LOX: variants seen among roughly 807,000 people sequenced by gnomAD.
LOX encodes the protein lysyl oxidase.
Under a neutral mutation model 50.5 loss-of-function variants are expected in LOX, and 12 were observed. That is an observed-to-expected ratio of 0.24 (90% CI 0.15 to 0.38). The LOEUF (loss-of-function observed/expected upper bound fraction) is 0.38. Ranked by LOEUF, LOX falls within the 10% of genes least tolerant of loss-of-function variation. LOX has a pLI of 1.00. For synonymous variants in LOX, 254 were observed against 230.6 expected, an observed-to-expected ratio of 1.10 and a Z score of -0.92; for missense variants, 504 against 563.8, an observed-to-expected ratio of 0.89 and a Z score of 1.07.
rs748350741 is a variant in LOX, at chr5:122,077,504, C to T, written c.482G>A (p.Ser161Asn). ...GTCGCCCACCATGCCGTCCACGCGG[C>T]TGGGCGGCCGCAGGTTACTGAGCGC... ...VPALSNLRPP[S>N]RVDGMVGDDP... Residue 161 changes from serine (S) to asparagine (N), a missense_variant, in exon 1 of 7, where the codon AGC becomes AAC. By Grantham distance (46) the Ser-to-Asn change is conservative (BLOSUM62 1). Around this residue, in one of 2 missense-constraint regions of LOX, gnomAD observed 398 missense variants for 365.8 expected, o/e 1.09. Coordinates refer to ENST00000231004, the MANE Select transcript of LOX (RefSeq NM_002317.7). This position sits in a 1 kb window ranked among gnomAD's most constrained non-coding sequence, Gnocchi z 4.9. 3 of 1,613,770 alleles carry T rather than the reference C, an allele frequency of 1.9e-6. No homozygotes were observed. Among genetic ancestry groups the T allele is most frequent in the Non-Finnish European group, 2.5e-6 (3 of 1,180,010 alleles).
intron 4 of LOX, among the ~76,000 whole-genome samples, chr5:122,072,810 G>T (rs1055621619): frequency 6.6e-6 from 1 of 152,218 alleles, no homozygotes; most frequent in African/African-American, 2.4e-5. Context: ...AACCAGAAGT[G>T]CTATAATGTC....
At chr5:122,069,403 A>G (rs1420212481) in intron 6 of LOX, among the ~76,000 whole-genome samples, 1 of 152,146 alleles carries the variant, frequency 6.6e-6, no homozygotes, top group African/African-American at 2.4e-5. Context: ...ACAGACAGGC[A>G]TGCAGTCAAA....
chr5:122,075,688 T>A (rs1181873007), intron 2 of LOX, 147 bp from the exon 3 acceptor site: 1 of 500,324 alleles, frequency 2.0e-6, no homozygotes, highest in Non-Finnish European at 3.3e-6. Flanking sequence ...ATTTTGTTTC[T>A]TTTTGTTCAT....
chr5:122,077,272 C>G lies in LOX; in HGVS notation c.631+83G>C. The G allele has an allele frequency of 6.3e-7, 1 of 1,579,672 alleles. No individual in the cohort carries two copies. Among genetic ancestry groups the G allele is most frequent in the Non-Finnish European group, 8.6e-7 (1 of 1,164,118 alleles). On this transcript the variant is annotated intron_variant, in intron 1 of 6. Coordinates refer to ENST00000231004, the MANE Select transcript of LOX (RefSeq NM_002317.7). The surrounding 1 kb of genome is among the most constrained non-coding windows in gnomAD (Gnocchi z 4.9). ...TCGGATCTGCGAGGACCGGGGCCCGCCGCGCCCAGGCAGCCACGTCGAGAA... is the reference window on the plus strand; with the variant it reads ...TCGGATCTGCGAGGACCGGGGCCCGGCGCGCCCAGGCAGCCACGTCGAGAA...
In LOX at chr5:122,070,052, C is replaced by T. The variant is rs1233555524; in HGVS notation, c.1247+1G>A. On this transcript the variant is annotated splice_donor_variant, in intron 6 of 6. Transcript: ENST00000231004. LOFTEE classifies it high-confidence loss of function. ...TACTTAGCTAAGCAAATAACACTTA[C>T]GGTGAAATTGTGCAGCCTGAGGCAT... 5.6e-6 allele frequency: 9 copies of T among 1,597,798 alleles called. No individual in the cohort carries two copies. Among genetic ancestry groups the T allele is most frequent in the East Asian group, 4.5e-5 (2 of 44,812 alleles).
At chr5:122,072,335 A>G (rs929631830) in intron 4 of LOX, among the ~76,000 whole-genome samples, 4 of 152,248 alleles carry the variant, frequency 2.6e-5, no homozygotes, top group African/African-American at 9.6e-5. Flanking sequence ...CATGTAGGCA[A>G]AGTCAAAATA....
chr5:122,071,906 C>G (rs555323504), intron 4 of LOX, among the ~76,000 whole-genome samples: 65 of 152,284 alleles, frequency 4.3e-4, no homozygotes, highest in Middle Eastern at 3.4e-3. Context: ...ACAGGCCCAA[C>G]TCAGAAGGGT....
chr5:122,073,441 T>C (rs979675197), intron 4 of LOX, among the ~76,000 whole-genome samples: 1 of 152,222 alleles, frequency 6.6e-6, no homozygotes, highest in African/African-American at 2.4e-5. Flanking sequence ...GGCAACTTTT[T>C]AAAGTGCTTT....
At chr5:122,075,297 G>A in intron 3 of LOX, 107 bp downstream of exon 3, 1 of 987,582 alleles carries the variant, frequency 1.0e-6, no homozygotes, top group Non-Finnish European at 1.5e-6. Context: ...ATAAGTAATA[G>A]CAATTTTCTC....
chr5:122,074,727 T>C (rs1754565642), intron 3 of LOX, among the ~76,000 whole-genome samples: 1 of 152,246 alleles, frequency 6.6e-6, no homozygotes, highest in Non-Finnish European at 1.5e-5. Context: ...AAGGGACTTA[T>C]ATCTACTTTT....
In LOX at chr5:122,065,032, G is replaced by A. The variant is rs1168547589; in HGVS notation, c.*1711C>T. 6.6e-6 allele frequency: 1 copy of A among 151,966 alleles called. No homozygotes were observed. The highest frequency in any genetic ancestry group is 2.4e-5 in the African/African-American group (1 of 41,386). 9.4% of individuals were successfully genotyped at this position (151,966 alleles called of 1,614,324 possible). A position where few individuals can be genotyped will look rare whatever the true frequency, so the allele number is the denominator to read the frequency against. ...TTGAAAGGATCATTCTACAATCTTA[G>A]AACTAAAAAGCAATTTAAGGCAAAG... On this transcript the variant is annotated 3_prime_UTR_variant, in exon 7 of 7. Transcript: ENST00000231004.
At chr5:122,075,742 C>G (rs889080039) in intron 2 of LOX, among the ~76,000 whole-genome samples, 1 of 152,066 alleles carries the variant, frequency 6.6e-6, no homozygotes, top group Non-Finnish European at 1.5e-5. Flanking sequence ...GTAGTCAGAG[C>G]TCAATGAATA....
rs1482852451 is a variant in LOX, at chr5:122,077,701, G to T, written c.285C>A (p.Arg95=). 1.9e-6 allele frequency: 3 copies of T among 1,594,736 alleles called. No homozygotes were observed. Among genetic ancestry groups the T allele is most frequent in the Admixed American group, 1.7e-5 (1 of 57,992 alleles). ...TTCGCGCCGCGGCGGTGCGGTTGTC[G>T]CGGATCAGCAGGATCGGAGTGCGGG... ...QQPRTPILLI[R]DNRTAAARTR... Residue 95 remains arginine (R), a synonymous_variant, in exon 1 of 7, where the codon CGC becomes CGA. Transcript: ENST00000231004. This position sits in a 1 kb window ranked among gnomAD's most constrained non-coding sequence, Gnocchi z 4.9.
rs1478781194 is a variant in LOX at position 122,064,379 on chromosome 5, T to C, written c.*2364A>G. 1 of 151,700 alleles carries C rather than the reference T, an allele frequency of 6.6e-6. No homozygotes were observed. The highest frequency in any genetic ancestry group is 1.5e-5 in the Non-Finnish European group (1 of 67,844). The allele number at this position is 151,700 out of a possible 1,614,324, so 9.4% of individuals were successfully genotyped here. The stretch of plus-strand genomic sequence containing the variant: ...TACTTGTGAGTTATTTGGGTGTGTT[T>C]AGAGGTGCCAGGAGGGGGATGAATG... On this transcript the variant is annotated 3_prime_UTR_variant, in exon 7 of 7. Coordinates refer to ENST00000231004, the MANE Select transcript of LOX (RefSeq NM_002317.7).
At chr5:122,073,287 T>C (rs1161225452) in intron 4 of LOX, among the ~76,000 whole-genome samples, 1 of 152,198 alleles carries the variant, frequency 6.6e-6, no homozygotes, top group Admixed American at 6.5e-5. Flanking sequence ...TTTCCAATGA[T>C]AAAACATGCA....
intron 4 of LOX, among the ~76,000 whole-genome samples, chr5:122,072,190 T>TG (rs1316346486): frequency 6.6e-6 from 1 of 152,176 alleles, no homozygotes; most frequent in Non-Finnish European, 1.5e-5. Context: ...GTGCTTATCT[T>TG]GCCTTCAAAT....
intron 6 of LOX, among the ~76,000 whole-genome samples, chr5:122,068,174 T>TAAAAAAA (rs10650287): frequency 1.7e-5 from 2 of 115,908 alleles, no homozygotes; most frequent in Admixed American, 9.2e-5. Context: ...TAATAACTAG[T>TAAAAAAA]AAAAAAAAAA....
chr5:122,072,068 A>G (rs578130093), intron 4 of LOX, among the ~76,000 whole-genome samples: 1 of 152,350 alleles, frequency 6.6e-6, no homozygotes, highest in East Asian at 1.9e-4. Context: ...GGCATATAAT[A>G]CATACTCAAT....
At chr5:122,073,871 CA>C (rs1754530177) in intron 4 of LOX, 141 bp downstream of exon 4, 1 of 718,172 alleles carries the variant, frequency 1.4e-6, no homozygotes, top group South Asian at 2.1e-5. Context: ...ATATCATCTA[CA>C]GTTTTCTTTG....
Sources: allele counts gnomAD v4.1 joint callset (sites outside exome capture counted in the v4.1 genomes callset), GRCh38; gene constraint gnomAD v4.1.1; regional missense constraint gnomAD v4.1.1; non-coding constraint Gnocchi (gnomAD v3.1); transcripts MANE v1.5; gene names NCBI Gene and HGNC (gene_info 2026-07-23, HGNC 2026-07-21).